Variants in SUPT3H observed in about 807,000 individuals in gnomAD.
SUPT3H encodes the protein transcription initiation protein SPT3 homolog.
In SUPT3H, 44 loss-of-function variants were observed where a neutral mutation model predicts 44.3. That is an observed-to-expected ratio of 0.99 (90% CI 0.78 to 1.28). The LOEUF (loss-of-function observed/expected upper bound fraction) is 1.28, where lower values mean the gene tolerates loss of function less well. SUPT3H is among the 50% of genes most tolerant of loss of function. The probability of loss-of-function intolerance (pLI) is 0.00; values close to 1 mark genes in which losing one functional copy is unlikely to be tolerated. For synonymous variants in SUPT3H, 124 were observed against 125.6 expected (o/e 0.99, Z 0.09); for missense variants, 380 against 387.1 (o/e 0.98, Z 0.15).
intron 2 of SUPT3H, among the ~76,000 whole-genome samples, chr6:45,264,379 G>T (rs1401721636): frequency 6.6e-6 from 1 of 152,020 alleles, no homozygotes; most frequent in East Asian, 1.9e-4. Context: ...AAGAAAACTG[G>T]CTGGGCACGG....
intron 10 of SUPT3H, among the ~76,000 whole-genome samples, chr6:44,836,274 A>G (rs754580314): frequency 5.5e-4 from 84 of 152,268 alleles, no homozygotes; most frequent in Non-Finnish European, 7.5e-4. Flanking sequence ...ATTTCAGAGG[A>G]CCTAAATTAA....
intron 3 of SUPT3H, among the ~76,000 whole-genome samples, chr6:45,074,375 T>C (rs954195009): frequency 6.6e-6 from 1 of 151,874 alleles, no homozygotes; most frequent in African/African-American, 2.4e-5. Context: ...ACATAGAAAG[T>C]ATTAATAACC....
intron 10 of SUPT3H, among the ~76,000 whole-genome samples, chr6:44,917,563 A>G (rs1768008289): frequency 1.3e-5 from 2 of 152,170 alleles, no homozygotes; most frequent in Non-Finnish European, 2.9e-5. Flanking sequence ...CTAAACATGC[A>G]AATATGACTG....
intron 2 of SUPT3H, among the ~76,000 whole-genome samples, chr6:45,145,760 A>G (rs1805949290): frequency 6.6e-6 from 1 of 152,160 alleles, no homozygotes; most frequent in Admixed American, 6.6e-5. Flanking sequence ...GTCACAAACT[A>G]TGTATCCAAC....
intron 3 of SUPT3H, among the ~76,000 whole-genome samples, chr6:45,033,215 G>T (rs1236386246): frequency 6.6e-6 from 1 of 152,108 alleles, no homozygotes; most frequent in Non-Finnish European, 1.5e-5. Context: ...TTTCTATCTT[G>T]TGATTCTTAG....
At chr6:44,812,568 A>C (rs754112577) in intron 11 of SUPT3H, among the ~76,000 whole-genome samples, 1 of 152,126 alleles carries the variant, frequency 6.6e-6, no homozygotes, top group African/African-American at 2.4e-5. Context: ...CCCTTTTGCT[A>C]TGTGATGTAA....
intron 2 of SUPT3H, among the ~76,000 whole-genome samples, chr6:45,183,455 T>C (rs1014555681): frequency 2.6e-5 from 4 of 152,172 alleles, no homozygotes; most frequent in Admixed American, 6.5e-5. Context: ...AATTTACTCA[T>C]AGCAGAAGGT....
chr6:45,259,444 T>G lies in SUPT3H; in HGVS notation c.101+105757A>C, dbSNP rs530437411. On this transcript the variant is annotated intron_variant, in intron 2 of 10. Transcript: ENST00000371459. Reference sequence around the variant, plus strand: ...CTGTTTATGTCTTTGGAAAGAACATTCTGTATAATGAAAAACATGACCAAA... The same window carrying G: ...CTGTTTATGTCTTTGGAAAGAACATGCTGTATAATGAAAAACATGACCAAA... Among the ~76,000 whole-genome samples, 21 of 152,278 alleles carry G rather than the reference T, an allele frequency of 1.4e-4. No individual in the cohort carries two copies. The South Asian group carries it at 4.3e-3, about 32-fold the overall frequency.
chr6:45,155,620 T>C (rs1292289752), intron 2 of SUPT3H, among the ~76,000 whole-genome samples: 1 of 152,146 alleles, frequency 6.6e-6, no homozygotes, highest in Non-Finnish European at 1.5e-5. Flanking sequence ...TAGCTTGGCC[T>C]ATGTACAAAG....
At chr6:45,015,352 T>C (rs1784086397) in intron 4 of SUPT3H, among the ~76,000 whole-genome samples, 1 of 152,100 alleles carries the variant, frequency 6.6e-6, no homozygotes, top group African/African-American at 2.4e-5. Flanking sequence ...ATACAAAAAT[T>C]AGTTAAAATA....
At chr6:44,893,038 A>T (rs1207981049) in intron 10 of SUPT3H, among the ~76,000 whole-genome samples, 1 of 152,174 alleles carries the variant, frequency 6.6e-6, no homozygotes. Context: ...ACAAAAATAC[A>T]AAACAATATA....
At chr6:45,377,171 G>A (rs1435590484) in intron 1 of SUPT3H, 2 of 152,128 alleles carry the variant, frequency 1.3e-5, no homozygotes, top group African/African-American at 4.8e-5. Flanking sequence ...AGCACCTGGC[G>A]CTGTTCTAAG....
At chr6:45,235,978 A>G (rs980295429) in intron 2 of SUPT3H, among the ~76,000 whole-genome samples, 1 of 152,198 alleles carries the variant, frequency 6.6e-6, no homozygotes, top group South Asian at 2.1e-4. Flanking sequence ...GCAGGAAACT[A>G]GCCAGAGCCC....
chr6:45,301,105 C>A (rs753055350), intron 2 of SUPT3H, among the ~76,000 whole-genome samples: 1 of 152,160 alleles, frequency 6.6e-6, no homozygotes, highest in Non-Finnish European at 1.5e-5. Flanking sequence ...TCTGGGCAGG[C>A]AGGTCCTGGC....
chr6:45,017,181 T>C lies in SUPT3H; in HGVS notation c.274-2290A>G, dbSNP rs548792314. On this transcript the variant is annotated intron_variant, in intron 4 of 10. Coordinates refer to ENST00000371459, the MANE Select transcript of SUPT3H (RefSeq NM_003599.4). ...TCTGTTCATATCCTTTGCCCACTTT[T>C]TGATGGGGTTGTTTGTTTTTTTCTT... Among the ~76,000 whole-genome samples, 92 of 151,448 alleles carry C rather than the reference T, an allele frequency of 6.1e-4. 1 individual carries two copies. The highest frequency in any genetic ancestry group is 3.6e-3 in the South Asian group (17 of 4,754).
intron 3 of SUPT3H, among the ~76,000 whole-genome samples, chr6:45,042,275 T>G (rs544302289): frequency 6.6e-6 from 1 of 152,000 alleles, no homozygotes; most frequent in Non-Finnish European, 1.5e-5. Context: ...ATAAAAAAAT[T>G]AGCTGGGCAT....
chr6:45,307,673 G>C (rs765506723), intron 2 of SUPT3H, among the ~76,000 whole-genome samples: 1 of 152,178 alleles, frequency 6.6e-6, no homozygotes, highest in Non-Finnish European at 1.5e-5. Context: ...TGGGGAAAAA[G>C]CAGAACAGAA....
intron 9 of SUPT3H, among the ~76,000 whole-genome samples, chr6:44,951,581 G>C (rs569218804): frequency 6.6e-6 from 1 of 152,200 alleles, no homozygotes; most frequent in East Asian, 1.9e-4. Context: ...AACATATTTT[G>C]TCAGGAGGCT....
intron 2 of SUPT3H, among the ~76,000 whole-genome samples, chr6:45,116,890 A>G (rs1800926000): frequency 6.6e-6 from 1 of 152,086 alleles, no homozygotes; most frequent in Non-Finnish European, 1.5e-5. Flanking sequence ...CCTATTTCCC[A>G]TCCTCAGCCA....
Sources: gnomAD v4.1 joint callset for allele counts (sites outside exome capture counted in the v4.1 genomes callset) on GRCh38, gnomAD v4.1.1 for gene constraint, MANE v1.5 for transcripts, NCBI Gene and HGNC (gene_info 2026-07-23, HGNC 2026-07-21) for gene names.